ADAMTSL1: variants seen among roughly 807,000 people sequenced by gnomAD.
The protein encoded by ADAMTSL1 is ADAMTS like 1.
Under a neutral mutation model 201.8 loss-of-function variants are expected in ADAMTSL1, and 126 were observed. The observed-to-expected ratio is 0.62, with a 90% CI of 0.54 to 0.72. ADAMTSL1 has a LOEUF of 0.72. Ranked by LOEUF, ADAMTSL1 falls within the 30% of genes least tolerant of loss-of-function variation. ADAMTSL1 has a pLI of 0.00. For missense variants in ADAMTSL1, 2,679 were observed against 2,277.8 expected, an observed-to-expected ratio of 1.18 and a Z score of -3.59; for synonymous variants, 1,121 against 903.4, an observed-to-expected ratio of 1.24 and a Z score of -4.32.
At chr9:18,695,005 T>C (rs865915766) in intron 13 of ADAMTSL1, among the ~76,000 whole-genome samples, 1 of 152,232 alleles carries the variant, frequency 6.6e-6, no homozygotes, top group African/African-American at 2.4e-5. Flanking sequence ...CCAAGGCTCA[T>C]GGCTTGCACC....
At chr9:18,046,457 G>T (rs752695778) in intron 1 of ADAMTSL1, among the ~76,000 whole-genome samples, 5 of 152,104 alleles carry the variant, frequency 3.3e-5, no homozygotes, top group African/African-American at 4.8e-5. Flanking sequence ...TGACCAAAAA[G>T]TTGCATTATC....
intron 1 of ADAMTSL1, among the ~76,000 whole-genome samples, chr9:18,489,812 T>C (rs937233293): frequency 1.3e-5 from 2 of 152,188 alleles, no homozygotes; most frequent in Non-Finnish European, 2.9e-5. Context: ...CTTATTTAAT[T>C]AGACATAAAG....
At chr9:18,122,280 C>T (rs1344037497) in intron 1 of ADAMTSL1, among the ~76,000 whole-genome samples, 2 of 152,174 alleles carry the variant, frequency 1.3e-5, no homozygotes, top group South Asian at 2.1e-4. Flanking sequence ...ATCCATGACT[C>T]ATGAATAGAT....
intron 2 of ADAMTSL1, among the ~76,000 whole-genome samples, chr9:18,373,048 A>G (rs1837119026): frequency 6.6e-6 from 1 of 152,156 alleles, no homozygotes; most frequent in African/African-American, 2.4e-5. Context: ...TCCTTAGGGA[A>G]TCCCTTACCT....
Position 18,655,806 on chromosome 9 carries a change from T to TAAAAAAAAAAAAAAAAAAAAAAAAAAAA in ADAMTSL1, c.835-1829_835-1802dup, listed in dbSNP as rs56662538. ...AGAGAGCTAGAGGCTTTTGTGAGCT[T>TAAAAAAAAAAAAAAAAAAAAAAAAAAAA]AAAAAAAAAAAAAAAAAAAAAAAAA... On this transcript the variant is annotated intron_variant, in intron 7 of 28. Transcript: ENST00000380548. Among the ~76,000 whole-genome samples, 19 of 81,848 alleles carry TAAAAAAAAAAAAAAAAAAAAAAAAAAAA rather than the reference T, an allele frequency of 2.3e-4. 3 individuals are homozygous for TAAAAAAAAAAAAAAAAAAAAAAAAAAAA. Among genetic ancestry groups the TAAAAAAAAAAAAAAAAAAAAAAAAAAAA allele is most frequent in the Non-Finnish European group, 3.1e-4 (15 of 48,278 alleles). The allele number at this position is 81,848 out of a possible 152,430, so 53.7% of individuals were successfully genotyped here. A position where few individuals can be genotyped will look rare whatever the true frequency, so the allele number is the denominator to read the frequency against.
intron 2 of ADAMTSL1, among the ~76,000 whole-genome samples, chr9:18,344,894 C>A (rs1263578201): frequency 1.3e-5 from 2 of 152,264 alleles, no homozygotes; most frequent in African/African-American, 2.4e-5. Flanking sequence ...ACCTTGGAAG[C>A]TCTTTCCTCA....
rs553823027 is a variant in ADAMTSL1, at chr9:18,109,995, G to A, written c.88-53867G>A. ...GTAGAGAGTGATCCAGAAAGAGAAAGAGGAACACAGGCAAGTGAGGTGAGG... is the reference window on the plus strand; with the variant it reads ...GTAGAGAGTGATCCAGAAAGAGAAAAAGGAACACAGGCAAGTGAGGTGAGG... On this transcript the variant is annotated intron_variant, in intron 1 of 29. Transcript: ENST00000680146. Among the ~76,000 whole-genome samples the A allele has an allele frequency of 3.3e-5, 5 of 152,332 alleles. 1 individual carries two copies. The South Asian group carries it at 6.2e-4, about 19-fold the overall frequency.
At chr9:18,316,536 G>C (rs1001848862) in intron 2 of ADAMTSL1, among the ~76,000 whole-genome samples, 2 of 152,098 alleles carry the variant, frequency 1.3e-5, no homozygotes, top group African/African-American at 4.8e-5. Context: ...TTTGAAAGAA[G>C]AGAAATATGG....
intron 23 of ADAMTSL1, among the ~76,000 whole-genome samples, chr9:18,832,011 T>G (rs1825013204): frequency 6.6e-6 from 1 of 152,022 alleles, no homozygotes; most frequent in African/African-American, 2.4e-5. Context: ...AGCCCCAAGA[T>G]GAAAAATGTG....
At chr9:18,390,387 A>G (rs937867870) in intron 2 of ADAMTSL1, among the ~76,000 whole-genome samples, 1 of 152,218 alleles carries the variant, frequency 6.6e-6, no homozygotes, top group Non-Finnish European at 1.5e-5. Flanking sequence ...TGGGCAGACA[A>G]GTGGCATCAG....
At chr9:18,359,814 C>A in intron 2 of ADAMTSL1, among the ~76,000 whole-genome samples, 2 of 101,588 alleles carry the variant, frequency 2.0e-5, no homozygotes, top group African/African-American at 4.4e-5. Flanking sequence ...GTTAATGCCC[C>A]ACCTCCCCAC....
intron 1 of ADAMTSL1, among the ~76,000 whole-genome samples, chr9:18,147,040 A>G (rs1472958354): frequency 6.6e-6 from 1 of 152,148 alleles, no homozygotes; most frequent in Non-Finnish European, 1.5e-5. Flanking sequence ...AGTTGTTTAA[A>G]TATATTTAGG....
At chr9:18,481,959 C>T (rs1821750311) in intron 1 of ADAMTSL1, among the ~76,000 whole-genome samples, 1 of 152,136 alleles carries the variant, frequency 6.6e-6, no homozygotes. Flanking sequence ...ACATAGTTTC[C>T]ACTACATTGT....
chr9:17,940,765 A>T (rs1346565279), intron 1 of ADAMTSL1, among the ~76,000 whole-genome samples: 2 of 151,114 alleles, frequency 1.3e-5, no homozygotes, highest in East Asian at 1.9e-4. Flanking sequence ...AACTCGAAAA[A>T]TAAATAAAGG....
At chr9:18,374,026 G>T (rs1285279995) in intron 2 of ADAMTSL1, among the ~76,000 whole-genome samples, 1 of 152,172 alleles carries the variant, frequency 6.6e-6, no homozygotes, top group Non-Finnish European at 1.5e-5. Flanking sequence ...CTACACCTCA[G>T]AATCACCTGA....
intron 2 of ADAMTSL1, among the ~76,000 whole-genome samples, chr9:18,204,435 T>C (rs1424861937): frequency 6.6e-6 from 1 of 152,116 alleles, no homozygotes; most frequent in Non-Finnish European, 1.5e-5. Context: ...TCTCCAGCCA[T>C]GCTGAACTGT....
intron 20 of ADAMTSL1, among the ~76,000 whole-genome samples, chr9:18,795,931 C>T (rs892708865): frequency 6.6e-5 from 10 of 152,158 alleles, no homozygotes; most frequent in Non-Finnish European, 8.8e-5. Context: ...AGAAAGACTA[C>T]GACCCATAAA....
intron 2 of ADAMTSL1, among the ~76,000 whole-genome samples, chr9:18,205,235 G>A (rs1410465876): frequency 6.6e-6 from 1 of 152,092 alleles, no homozygotes; most frequent in East Asian, 1.9e-4. Flanking sequence ...AAGACTTTTA[G>A]CATGACTCAT....
intron 17 of ADAMTSL1, among the ~76,000 whole-genome samples, chr9:18,773,560 G>C (rs1302139683): frequency 6.6e-6 from 1 of 152,130 alleles, no homozygotes; most frequent in Non-Finnish European, 1.5e-5. Flanking sequence ...GAGCTGTTTT[G>C]GTTTAAGTTT....
Sources: gnomAD v4.1 joint callset for allele counts (sites outside exome capture counted in the v4.1 genomes callset) on GRCh38, gnomAD v4.1.1 for gene constraint, MANE v1.5 for transcripts, NCBI Gene and HGNC (gene_info 2026-07-23, HGNC 2026-07-21) for gene names.